Variants in TNRC18 observed in about 807,000 individuals in gnomAD.
TNRC18 encodes trinucleotide repeat containing 18, also known as trinucleotide repeat-containing gene 18 protein.
Under a neutral mutation model 226.7 loss-of-function variants are expected in TNRC18, and 69 were observed. That is an observed-to-expected ratio of 0.30 (90% confidence interval 0.25 to 0.37). TNRC18 has a LOEUF of 0.37. TNRC18 is among the 10% of genes least tolerant of loss of function. TNRC18 has a pLI of 1.00. For missense variants in TNRC18, 4,754 were observed against 4,256.6 expected (o/e 1.12, Z -3.25); for synonymous variants, 2,449 against 1,927.6 (o/e 1.27, Z -7.09).
chr7:5,389,420 G>A, intron 4 of TNRC18, 84 bp from the exon 5 acceptor site: 1 of 1,200,348 alleles, frequency 8.3e-7, no homozygotes, highest in East Asian at 3.5e-5. Flanking sequence ...CCCTGAGAGG[G>A]GGATGGACCA....
chr7:5,390,194 C>A, intron 4 of TNRC18: 1 of 509,602 alleles, frequency 2.0e-6, no homozygotes, highest in Non-Finnish European at 3.4e-6. Flanking sequence ...CAAGACTCCA[C>A]CTCTACAGAA....
rs200327807 is a variant in TNRC18 at position 5,367,418 on chromosome 7, ATGTTTTT to A, written c.4219+2950_4219+2956del. Among the ~76,000 whole-genome samples, 66 of 151,188 alleles carry A rather than the reference ATGTTTTT, an allele frequency of 4.4e-4. No individual in the cohort carries two copies. The East Asian group carries it at 6.7e-3, about 15-fold the overall frequency. On this transcript the variant is annotated intron_variant, in intron 11 of 29. Coordinates refer to ENST00000430969, the MANE Select transcript of TNRC18 (RefSeq NM_001080495.3). ...AGTACCAGGTGGGAAGACCAAGGGAATGTTTTTTGTTTTTTGTTTTTTTTTTGAGATG... is the reference window on the plus strand; with the variant it reads ...AGTACCAGGTGGGAAGACCAAGGGAATGTTTTTTGTTTTTTTTTTGAGATG...
At position 5,374,455 on chromosome 7, in the gene TNRC18, C is replaced by T. The variant is rs775112984; in HGVS notation, c.2829G>A (p.Arg943=). 1 of 1,547,046 alleles carries T rather than the reference C, an allele frequency of 6.5e-7. No homozygotes were observed. The highest frequency in any genetic ancestry group is 2.0e-5 in the Admixed American group (1 of 51,044). The change falls in exon 10 of 30, where the codon CGG becomes CGA. Residue 943 remains arginine (R), a synonymous_variant. Coordinates refer to ENST00000430969, the MANE Select transcript of TNRC18 (RefSeq NM_001080495.3). ...VQERLKAQEH[R]AEMEEKGSKR... ...TGCTCCCCTTCTCTTCCATCTCCGC[C>T]CGGTGCTCCTGCGCCTTCAACCGCT... is the stretch of plus-strand genomic sequence containing the variant.
At position 5,388,936 on chromosome 7, in the gene TNRC18, C is replaced by T. The variant is rs1380663309; in HGVS notation, c.888G>A (p.Leu296=). Residue 296 remains leucine, a synonymous_variant, in exon 5 of 30, where the codon CTG becomes CTA. Transcript: ENST00000430969. The part of the protein sequence containing the change: ...GGAGDVGLPA[L]VAEAGRGGAK... ...CACCCCCGCGCCCCGCTTCGGCCACCAGCGCGGGCAGCCCCACGTCCCCGG... is the reference window on the plus strand; with the variant it reads ...CACCCCCGCGCCCCGCTTCGGCCACTAGCGCGGGCAGCCCCACGTCCCCGG... 36 of 1,381,622 alleles carry T rather than the reference C, an allele frequency of 2.6e-5. No individual in the cohort carries two copies. The highest frequency in any genetic ancestry group is 3.2e-5 in the Non-Finnish European group (34 of 1,062,870). 85.6% of individuals were successfully genotyped at this position (1,381,622 alleles called of 1,614,324 possible). A position where few individuals can be genotyped will look rare whatever the true frequency, so the allele number is the denominator to read the frequency against.
rs1781672229 is a variant in TNRC18, at chr7:5,409,070, ACAAGGAAAGATCTTTTTACAGAGGG to A, written c.187+11965_187+11989del. 2.6e-5 allele frequency among the ~76,000 whole-genome samples: 4 copies of A among 152,324 alleles called. No homozygotes were observed. The South Asian group carries it at 8.3e-4, about 32-fold the overall frequency. On this transcript the variant is annotated intron_variant, in intron 2 of 29. Coordinates refer to ENST00000430969, the MANE Select transcript of TNRC18 (RefSeq NM_001080495.3). ...CTTGCCTGTGAGATATACAAGGTCAACAAGGAAAGATCTTTTTACAGAGGGCATTCAAGAAGCTCCTCAATGGCCA... is the reference window on the plus strand; with the variant it reads ...CTTGCCTGTGAGATATACAAGGTCAACATTCAAGAAGCTCCTCAATGGCCA...
chr7:5,318,655 TAA>T (rs1788074676), intron 24 of TNRC18, among the ~76,000 whole-genome samples: 2 of 152,074 alleles, frequency 1.3e-5, no homozygotes, highest in Non-Finnish European at 2.9e-5. Flanking sequence ...GAGAAGATCC[TAA>T]AAGTTTCCAG....
rs1367806097 is a variant in TNRC18, at chr7:5,312,400, T to C, written c.8388+103A>G. 13 of 1,466,640 alleles carry C rather than the reference T, an allele frequency of 8.9e-6. No homozygotes were observed. The highest frequency in any genetic ancestry group is 1.1e-5 in the Non-Finnish European group (12 of 1,112,490). The allele number at this position is 1,466,640 out of a possible 1,614,324, so 90.9% of individuals were successfully genotyped here. ...ACGCCAGCCCTCCACCCTGGGGTTC[T>C]GGGAGGTTACCACACACGGAGACAC... is the stretch of plus-strand genomic sequence containing the variant. On this transcript the variant is annotated intron_variant, in intron 27 of 29. Transcript: ENST00000430969. This position sits in a 1 kb window ranked among gnomAD's most constrained non-coding sequence, Gnocchi z 6.3.
At chr7:5,354,181 C>A (rs1792116255) in intron 16 of TNRC18, among the ~76,000 whole-genome samples, 1 of 151,930 alleles carries the variant, frequency 6.6e-6, no homozygotes, top group Non-Finnish European at 1.5e-5. Context: ...CCAGCCTGGG[C>A]AAAAACAGCA....
At chr7:5,385,982 CAAAAAAAAAAAAA>C (rs1160231238) in intron 5 of TNRC18, among the ~76,000 whole-genome samples, 22 of 41,524 alleles carry the variant, frequency 5.3e-4, no homozygotes, top group Admixed American at 7.1e-4. Context: ...AAGTCTGTCT[CAAAAAAAAAAAAA>C]AAAAAAAAAA....
At chr7:5,331,571 C>T (rs1355850980) in intron 19 of TNRC18, among the ~76,000 whole-genome samples, 1 of 152,226 alleles carries the variant, frequency 6.6e-6, no homozygotes, top group East Asian at 1.9e-4. Flanking sequence ...ACCACAGAGA[C>T]TTGCAGCACA....
chr7:5,404,252 T>C (rs980633361), intron 2 of TNRC18, among the ~76,000 whole-genome samples: 1 of 152,050 alleles, frequency 6.6e-6, no homozygotes, highest in Non-Finnish European at 1.5e-5. Flanking sequence ...ATGCCTGTAA[T>C]CCCAGCTACT....
intron 11 of TNRC18, among the ~76,000 whole-genome samples, chr7:5,366,794 T>A (rs2128167799): frequency 6.6e-6 from 1 of 152,256 alleles, no homozygotes; most frequent in East Asian, 1.9e-4. Flanking sequence ...TGTTCTGTTC[T>A]CCAAGAGGGG....
intron 2 of TNRC18, among the ~76,000 whole-genome samples, chr7:5,411,872 T>TA (rs1781866056): frequency 6.6e-6 from 1 of 151,400 alleles, no homozygotes; most frequent in Admixed American, 6.6e-5. Context: ...ATATGACAAG[T>TA]GAAAAAAATG....
intron 15 of TNRC18, 91 bp from the exon 16 acceptor site, chr7:5,357,367 A>G (rs959473982): frequency 2.9e-5 from 39 of 1,345,086 alleles, no homozygotes; most frequent in Middle Eastern, 2.0e-4. Flanking sequence ...CTGGGCTCCA[A>G]TCCTTCACCT....
rs1006197667 is a variant in TNRC18, at chr7:5,377,703, G to T, written c.2256-127C>A. 2.0e-5 allele frequency: 23 copies of T among 1,165,838 alleles called. No individual in the cohort carries two copies. In the Middle Eastern group the frequency reaches 6.5e-4, roughly 33 times the overall value. The allele number at this position is 1,165,838 out of a possible 1,614,324, so 72.2% of individuals were successfully genotyped here. ...GTCAGGACAACCACTGCTCGGAACT[G>T]AAGGGCCTCCCGGGGCCTTCCACAC... is the stretch of plus-strand genomic sequence containing the variant. On this transcript the variant is annotated intron_variant, in intron 6 of 29. Transcript: ENST00000430969. The surrounding 1 kb of genome is among the most constrained non-coding windows in gnomAD (Gnocchi z 5.8).
intron 5 of TNRC18, among the ~76,000 whole-genome samples, chr7:5,384,315 G>A (rs1779606280): frequency 6.6e-6 from 1 of 151,810 alleles, no homozygotes; most frequent in African/African-American, 2.4e-5. Flanking sequence ...CGCCCAGGCT[G>A]GCCTCAACCT....
In TNRC18 at chr7:5,388,398, C is replaced by T; in HGVS notation, c.1426G>A (p.Glu476Lys). Residue 476 changes from glutamate to lysine, a missense_variant, in exon 5 of 30, where the codon GAG (glutamate) becomes AAG (lysine). Transcript: ENST00000430969. ...CCGGCTGGGCCGCGGGGCGCACGCTCGCAGGGCCTCGGGTCCGCCTCGGGC... is the reference window on the plus strand; with the variant it reads ...CCGGCTGGGCCGCGGGGCGCACGCTTGCAGGGCCTCGGGTCCGCCTCGGGC... ...LKPEADPRPC[E>K]RAPRGPAGPA... The T allele has an allele frequency of 2.0e-6, 3 of 1,506,054 alleles. No individual in the cohort carries two copies. The highest frequency in any genetic ancestry group is 2.5e-5 in the South Asian group (2 of 79,704). 93.3% of individuals were successfully genotyped at this position (1,506,054 alleles called of 1,614,324 possible).
intron 18 of TNRC18, among the ~76,000 whole-genome samples, chr7:5,338,256 T>C (rs529587969): frequency 6.6e-6 from 1 of 152,088 alleles, no homozygotes; most frequent in Non-Finnish European, 1.5e-5. Flanking sequence ...TCAAATAAAT[T>C]TGTTTAAAAG....
intron 25 of TNRC18, 59 bp downstream of exon 25, chr7:5,315,897 C>T (rs1007939059): frequency 1.0e-5 from 14 of 1,340,968 alleles, no homozygotes; most frequent in African/African-American, 3.0e-5. Context: ...GCTTGGAGGG[C>T]GAGAGCCTGG....
Sources: gnomAD v4.1 joint callset for allele counts (sites outside exome capture counted in the v4.1 genomes callset) on GRCh38, gnomAD v4.1.1 for gene constraint, Gnocchi (gnomAD v3.1) non-coding constraint, MANE v1.5 for transcripts, NCBI Gene and HGNC (gene_info 2026-07-23, HGNC 2026-07-21) for gene names.